The following TTF2 variants were observed in gnomAD, a reference collection of about 807,000 sequenced individuals.
TTF2 encodes RNA polymerase II termination factor.
TTF2 carries 108 observed loss-of-function variants against 142.4 expected under a neutral mutation model. The observed-to-expected ratio is 0.76, with a 90% confidence interval of 0.65 to 0.89. The LOEUF (loss-of-function observed/expected upper bound fraction) is 0.89, where lower values mean the gene tolerates loss of function less well. TTF2 is among the 40% of genes least tolerant of loss of function. The pLI is 0.00. For synonymous variants in TTF2, 483 were observed against 506.2 expected, an observed-to-expected ratio of 0.95 and a Z score of 0.61; for missense variants, 1,327 against 1,379.8, an observed-to-expected ratio of 0.96 and a Z score of 0.61.
Position 117,091,897 on chromosome 1 carries a change from T to C in TTF2, c.2752T>C (p.Ser918Pro). ...GAGATCCAGCACCGTCCACATACTGTCCCAGTTGCTGAGACTCCGCCAGTG... is the reference window on the plus strand; with the variant it reads ...GAGATCCAGCACCGTCCACATACTGCCCCAGTTGCTGAGACTCCGCCAGTG... ...SPRSSTVHIL[S>P]QLLRLRQCCC... Residue 918 changes from serine (S) to proline (P), a missense_variant, in exon 17 of 23, where the codon TCC becomes CCC. Physicochemically the swap from Ser to Pro is moderately conservative, Grantham distance 74 (BLOSUM62 -1). Transcript: ENST00000369466. 6.2e-7 allele frequency: 1 copy of C among 1,613,522 alleles called. No individual in the cohort carries two copies. Among genetic ancestry groups the C allele is most frequent in the Non-Finnish European group, 8.5e-7 (1 of 1,179,918 alleles).
chr1:117,083,943 TC>T, intron 10 of TTF2, 74 bp from the exon 11 acceptor site: 1 of 1,552,708 alleles, frequency 6.4e-7, no homozygotes, highest in Non-Finnish European at 8.8e-7. Flanking sequence ...AGACCGTGTC[TC>T]CATATATTAA....
In TTF2 at chr1:117,076,536, A is replaced by G. The variant is rs1657021145; in HGVS notation, c.1391-105A>G. 2.4e-6 allele frequency: 3 copies of G among 1,261,316 alleles called. No homozygotes were observed. Among genetic ancestry groups the G allele is most frequent in the South Asian group, 3.1e-5 (2 of 65,090 alleles). The allele number at this position is 1,261,316 out of a possible 1,614,324, so 78.1% of individuals were successfully genotyped here. A position where few individuals can be genotyped will look rare whatever the true frequency, so the allele number is the denominator to read the frequency against. Reference sequence around the variant, plus strand: ...ATGCTACCTTCTCTAGGAATCCTTCATCGGAATGGTGATGATCCCTCTCTC... The same window carrying G: ...ATGCTACCTTCTCTAGGAATCCTTCGTCGGAATGGTGATGATCCCTCTCTC... On this transcript the variant is annotated intron_variant, in intron 6 of 22. Coordinates refer to ENST00000369466, the MANE Select transcript of TTF2 (RefSeq NM_003594.4). The surrounding 1 kb of genome is among the most constrained non-coding windows in gnomAD (Gnocchi z 4.6).
Position 117,090,359 on chromosome 1 carries a change from T to C in TTF2, c.2496+151T>C. 1 of 1,217,418 alleles carries C rather than the reference T, an allele frequency of 8.2e-7. No individual in the cohort carries two copies. Among genetic ancestry groups the C allele is most frequent in the South Asian group, 1.5e-5 (1 of 67,444 alleles). 75.4% of individuals were successfully genotyped at this position (1,217,418 alleles called of 1,614,324 possible). On this transcript the variant is annotated intron_variant, in intron 14 of 22. Transcript: ENST00000369466. The surrounding 1 kb of genome is among the most constrained non-coding windows in gnomAD (Gnocchi z 4.8). ...GGCCCCAGGGTTGCAGTTCCATGCC[T>C]AGTGTCATAGCAATCCAGTTGTACT...
intron 4 of TTF2, among the ~76,000 whole-genome samples, chr1:117,074,001 A>C (rs1325147185): frequency 6.6e-6 from 1 of 152,244 alleles, no homozygotes; most frequent in East Asian, 1.9e-4. Context: ...AAGGAAAAAA[A>C]TAGATTTCCT....
chr1:117,060,371 C>T lies in TTF2; in HGVS notation c.25C>T (p.His9Tyr), dbSNP rs778866953. The T allele has an allele frequency of 1.9e-6, 3 of 1,605,532 alleles. No homozygotes were observed. Among genetic ancestry groups the T allele is most frequent in the South Asian group, 2.2e-5 (2 of 90,378 alleles). Residue 9 changes from histidine to tyrosine, a missense_variant, in exon 1 of 23, where the codon CAC becomes TAC. By Grantham distance (83) the His-to-Tyr change is moderately conservative. Coordinates refer to ENST00000369466, the MANE Select transcript of TTF2 (RefSeq NM_003594.4). ...AATGGAAGAAGTTAGGTGTCCAGAG[C>T]ACGGTAAGGGGCTAGGGTCTCAGCG... is the stretch of plus-strand genomic sequence containing the variant. The part of the protein sequence containing the change: MEEVRCPE[H>Y]GTFCFLKTGV...
At chr1:117,082,745 T>C (rs192736405) in intron 10 of TTF2, among the ~76,000 whole-genome samples, 9 of 152,178 alleles carry the variant, frequency 5.9e-5, no homozygotes, top group Admixed American at 3.3e-4. Flanking sequence ...GTAGTCCCAA[T>C]TGAGGGAGGA....
rs778961154 is a variant in TTF2, at chr1:117,075,875, T to C, written c.1275+16T>C. On this transcript the variant is annotated intron_variant, in intron 5 of 22. Transcript: ENST00000369466. The surrounding 1 kb of genome is among the most constrained non-coding windows in gnomAD (Gnocchi z 4.5). ...ACAAAAGAAGGTAACTATTGACTCG[T>C]GTTTTGTTTCTGAGGTCAGAGCATT... is the stretch of plus-strand genomic sequence containing the variant. The C allele has an allele frequency of 2.5e-6, 4 of 1,586,898 alleles. No homozygotes were observed. Among genetic ancestry groups the C allele is most frequent in the Non-Finnish European group, 3.4e-6 (4 of 1,168,938 alleles).
At chr1:117,089,050 T>C in intron 13 of TTF2, 68 bp downstream of exon 13, 1 of 1,497,242 alleles carries the variant, frequency 6.7e-7, no homozygotes, top group South Asian at 1.3e-5. Context: ...ATTTCATGTC[T>C]CATAATAAAG....
At position 117,102,650 on chromosome 1, in the gene TTF2, C is replaced by T. The variant is rs1649675608; in HGVS notation, c.*1126C>T. 1 of 151,904 alleles carries T rather than the reference C, an allele frequency of 6.6e-6. No homozygotes were observed. The highest frequency in any genetic ancestry group is 2.4e-5 in the African/African-American group (1 of 41,326). 9.4% of individuals were successfully genotyped at this position (151,904 alleles called of 1,614,324 possible). ...ATTTTTAATAGTATTTGTATTTTTA[C>T]AAATTTGCAGTATTTGTAGCATTTA... On this transcript the variant is annotated 3_prime_UTR_variant, in exon 23 of 23. Transcript: ENST00000369466.
Position 117,079,446 on chromosome 1 carries a change from G to A in TTF2, c.1702-122G>A. On this transcript the variant is annotated intron_variant, in intron 8 of 22. Transcript: ENST00000369466. The surrounding 1 kb of genome is among the most constrained non-coding windows in gnomAD (Gnocchi z 4.2). Reference sequence around the variant, plus strand: ...TAAGGACTTCAAGGTGAAATGAACTGTCTACAGAATACTGAGGGAATCATT... The same window carrying A: ...TAAGGACTTCAAGGTGAAATGAACTATCTACAGAATACTGAGGGAATCATT... The A allele has an allele frequency of 1.1e-6, 1 of 893,344 alleles. No individual in the cohort carries two copies. The highest frequency in any genetic ancestry group is 1.8e-6 in the Non-Finnish European group (1 of 559,698). The allele number at this position is 893,344 out of a possible 1,614,324, so 55.3% of individuals were successfully genotyped here. A position where few individuals can be genotyped will look rare whatever the true frequency, so the allele number is the denominator to read the frequency against.
intron 3 of TTF2, among the ~76,000 whole-genome samples, chr1:117,067,194 A>G (rs1057497580): frequency 2.0e-5 from 3 of 152,224 alleles, no homozygotes; most frequent in African/African-American, 7.2e-5. Context: ...CTTAGCCTAA[A>G]TTCAGAGCAC....
At position 117,106,666 on chromosome 1, in the gene TTF2, T is replaced by C. The variant is rs1649968208; in HGVS notation, c.*5142T>C. 1 of 152,334 alleles carries C rather than the reference T, an allele frequency of 6.6e-6. No homozygotes were observed. The highest frequency in any genetic ancestry group is 1.9e-4 in the East Asian group (1 of 5,180). The allele number at this position is 152,334 out of a possible 1,614,324, so 9.4% of individuals were successfully genotyped here. ...AGAGGACTGTGCGGCTGGGAGGGCT[T>C]ATAACAGGATTTGACCTAGTTAGGG... On this transcript the variant is annotated 3_prime_UTR_variant, in exon 23 of 23. Transcript: ENST00000369466.
intron 2 of TTF2, among the ~76,000 whole-genome samples, chr1:117,061,270 T>C (rs79131027): frequency 6.6e-6 from 1 of 152,176 alleles, no homozygotes. Flanking sequence ...CACACGCCTG[T>C]AGTCCCAGCT....
intron 10 of TTF2, among the ~76,000 whole-genome samples, chr1:117,083,257 A>G (rs974734196): frequency 1.3e-5 from 2 of 151,744 alleles, no homozygotes; most frequent in Admixed American, 6.6e-5. Flanking sequence ...AAAAAAAAAA[A>G]AAAAAATCTG....
intron 4 of TTF2, 22 bp from the exon 5 acceptor site, chr1:117,074,848 A>G (rs1656863390): frequency 6.5e-7 from 1 of 1,535,868 alleles, no homozygotes. Flanking sequence ...TTTTATATGA[A>G]GATTAATTAT....
Position 117,090,200 on chromosome 1 carries a change from A to G in TTF2, c.2488A>G (p.Arg830Gly), listed in dbSNP as rs750482787. The G allele has an allele frequency of 2.1e-5, 34 of 1,613,804 alleles. No homozygotes were observed. Among genetic ancestry groups the G allele is most frequent in the Non-Finnish European group, 2.8e-5 (33 of 1,179,900 alleles). The change falls in exon 14 of 23, where the codon AGA becomes GGA. Residue 830 changes from arginine to glycine, a missense_variant. Physicochemically the swap from Arg to Gly is moderately radical, Grantham distance 125. Coordinates refer to ENST00000369466, the MANE Select transcript of TTF2 (RefSeq NM_003594.4). The surrounding 1 kb of genome is among the most constrained non-coding windows in gnomAD (Gnocchi z 4.8). ...AAAAGACCAGCTGGACTCTACTGGCAGACCTTTGGTAATCAAGTTTGTACC... is the reference window on the plus strand; with the variant it reads ...AAAAGACCAGCTGGACTCTACTGGCGGACCTTTGGTAATCAAGTTTGTACC... ...RTKDQLDSTG[R>G]PLVILPQRKF...
chr1:117,092,609 A>T lies in TTF2; in HGVS notation c.2806-122A>T. On this transcript the variant is annotated intron_variant, in intron 17 of 22. Transcript: ENST00000369466. The surrounding 1 kb of genome is among the most constrained non-coding windows in gnomAD (Gnocchi z 4.4). ...TTTAATCAAGGTGTCTTGAGGAGTT[A>T]CTGATGACAAATTACAAGATATTTT... 1.8e-6 allele frequency: 2 copies of T among 1,082,424 alleles called. No homozygotes were observed. The highest frequency in any genetic ancestry group is 2.6e-6 in the Non-Finnish European group (2 of 758,838). The allele number at this position is 1,082,424 out of a possible 1,614,324, so 67.1% of individuals were successfully genotyped here. A position where few individuals can be genotyped will look rare whatever the true frequency, so the allele number is the denominator to read the frequency against.
chr1:117,079,756 C>CTA lies in TTF2; in HGVS notation c.1783+109_1783+110dup. On this transcript the variant is annotated intron_variant, in intron 9 of 22. Coordinates refer to ENST00000369466, the MANE Select transcript of TTF2 (RefSeq NM_003594.4). This position sits in a 1 kb window ranked among gnomAD's most constrained non-coding sequence, Gnocchi z 4.2. ...TCTCAAGAACTCTATGAGGCAGGTA[C>CTA]TATTATTCCTCATTTTACAGATGAT... 9.7e-7 allele frequency: 1 copy of CTA among 1,029,916 alleles called. No homozygotes were observed. The highest frequency in any genetic ancestry group is 1.5e-6 in the Non-Finnish European group (1 of 673,134). The allele number at this position is 1,029,916 out of a possible 1,614,324, so 63.8% of individuals were successfully genotyped here. A position where few individuals can be genotyped will look rare whatever the true frequency, so the allele number is the denominator to read the frequency against.
In TTF2 at chr1:117,060,353, G is replaced by C. The variant is rs202052204; in HGVS notation, c.7G>C (p.Glu3Gln). The change falls in exon 1 of 23, where the codon GAA becomes CAA. Residue 3 changes from glutamate to glutamine, a missense_variant. By Grantham distance (29) the Glu-to-Gln change is conservative. Transcript: ENST00000369466. The stretch of plus-strand genomic sequence containing the variant: ...ACTTGGGGGACCCAGCGAAATGGAA[G>C]AAGTTAGGTGTCCAGAGCACGGTAA... ME[E>Q]VRCPEHGTFC... The C allele has an allele frequency of 5.6e-5, 90 of 1,598,282 alleles. No homozygotes were observed. Among genetic ancestry groups the C allele is most frequent in the Non-Finnish European group, 1.2e-5 (14 of 1,172,700 alleles).
Sources: allele counts gnomAD v4.1 joint callset (sites outside exome capture counted in the v4.1 genomes callset), GRCh38; gene constraint gnomAD v4.1.1; non-coding constraint Gnocchi (gnomAD v3.1); transcripts MANE v1.5; gene names NCBI Gene and HGNC (gene_info 2026-07-23, HGNC 2026-07-21).